Variants in ZNF678 observed in about 807,000 individuals in gnomAD.
ZNF678 encodes zinc finger protein 678.
ZNF678 carries 5 observed loss-of-function variants against 3.0 expected under a neutral mutation model. The observed-to-expected ratio is 1.69, with a 90% CI of 0.88 to 3.56. The LOEUF (loss-of-function observed/expected upper bound fraction) is 3.56. ZNF678 is among the 30% of genes most tolerant of loss of function. ZNF678 has a pLI of 0.00. For synonymous variants in ZNF678, 218 were observed against 199.6 expected, an observed-to-expected ratio of 1.09 and a Z score of -0.78; for missense variants, 593 against 605.0, an observed-to-expected ratio of 0.98 and a Z score of 0.21.
chr1:227,614,178 C>T (rs1658088998), intron 1 of ZNF678, among the ~76,000 whole-genome samples: 1 of 152,198 alleles, frequency 6.6e-6, no homozygotes. Context: ...GTCCTATTGT[C>T]AGCCCCACAC....
At chr1:227,675,972 C>G (rs1659671177) in intron 5 of ZNF678, among the ~76,000 whole-genome samples, 1 of 152,094 alleles carries the variant, frequency 6.6e-6, no homozygotes, top group Non-Finnish European at 1.5e-5. Flanking sequence ...GGTTTTAGGT[C>G]AAGATAAAAT....
chr1:227,669,154 T>C (rs1659557315), intron 5 of ZNF678, among the ~76,000 whole-genome samples: 1 of 149,016 alleles, frequency 6.7e-6, no homozygotes, highest in Admixed American at 6.7e-5. Context: ...GAAAAAAATA[T>C]TCACAAACTG....
In ZNF678 at chr1:227,656,526, G is replaced by A. The variant is rs953684472; in HGVS notation, c.*698G>A. 13 of 151,626 alleles carry A rather than the reference G, an allele frequency of 8.6e-5. No individual in the cohort carries two copies. Among genetic ancestry groups the A allele is most frequent in the Admixed American group, 6.6e-4 (10 of 15,208 alleles). 9.4% of individuals were successfully genotyped at this position (151,626 alleles called of 1,614,324 possible). A position where few individuals can be genotyped will look rare whatever the true frequency, so the allele number is the denominator to read the frequency against. ...TATGTGGTCAGTTGTTGCTGCATAA[G>A]AGCTATGAGAAGTTCTTCTATATTA... On this transcript the variant is annotated 3_prime_UTR_variant, in exon 4 of 4. Transcript: ENST00000343776.
intron 2 of ZNF678, 56 bp from the exon 3 acceptor site, chr1:227,650,900 T>G: frequency 7.1e-7 from 1 of 1,409,714 alleles, no homozygotes. Flanking sequence ...TTTTACTTCT[T>G]TCTTTTCAAT....
chr1:227,621,023 A>G (rs1342514601), intron 1 of ZNF678, among the ~76,000 whole-genome samples: 1 of 152,174 alleles, frequency 6.6e-6, no homozygotes, highest in Non-Finnish European at 1.5e-5. Flanking sequence ...AGGCTGAGGC[A>G]GAAGGATTGC....
rs1659326225 is a variant in ZNF678 at position 227,658,907 on chromosome 1, A to C, written c.*3079A>C. The C allele has an allele frequency of 6.6e-6, 1 of 152,096 alleles. No individual in the cohort carries two copies. The highest frequency in any genetic ancestry group is 1.5e-5 in the Non-Finnish European group (1 of 67,976). The allele number at this position is 152,096 out of a possible 1,614,324, so 9.4% of individuals were successfully genotyped here. On this transcript the variant is annotated 3_prime_UTR_variant, in exon 4 of 4. Coordinates refer to ENST00000343776, the MANE Select transcript of ZNF678 (RefSeq NM_001367909.1). ...TAAAGCATTAATAATGGTAGGCTAT[A>C]TATCATAATCACTATATAAAGAAAC...
chr1:227,598,820 G>T, intron 1 of ZNF678: 1 of 571,928 alleles, frequency 1.7e-6, no homozygotes, highest in Non-Finnish European at 3.3e-6. Context: ...AAGAACTGCT[G>T]GAAGAATTAG....
chr1:227,637,050 G>A (rs1297418044), intron 1 of ZNF678, among the ~76,000 whole-genome samples: 1 of 152,160 alleles, frequency 6.6e-6, no homozygotes, highest in East Asian at 1.9e-4. Context: ...GTGTGTGTTT[G>A]TAGGTGACAC....
intron 1 of ZNF678, among the ~76,000 whole-genome samples, chr1:227,573,621 C>A (rs1161592606): frequency 1.3e-5 from 2 of 152,056 alleles, no homozygotes; most frequent in East Asian, 1.9e-4. Context: ...TCCCAGTAAA[C>A]CATATTCTTA....
rs141193608 is a variant in ZNF678 at position 227,606,055 on chromosome 1, A to T, written c.-163-40489A>T. On this transcript the variant is annotated intron_variant, in intron 1 of 3. Transcript: ENST00000343776. The stretch of plus-strand genomic sequence containing the variant: ...CCCTCCACACCGGTGGGTATTTCTC[A>T]TCTCACCGGTGGGACAAGAGACTGA... Among the ~76,000 whole-genome samples the T allele has an allele frequency of 4.9e-4, 74 of 152,300 alleles. 1 individual carries two copies. The East Asian group carries it at 0.014, about 29-fold the overall frequency.
At chr1:227,565,948 A>G (rs1294914609) in intron 1 of ZNF678, among the ~76,000 whole-genome samples, 1 of 152,106 alleles carries the variant, frequency 6.6e-6, no homozygotes, top group Non-Finnish European at 1.5e-5. Context: ...TTTTTAGTAG[A>G]GACGGGGTTT....
chr1:227,597,110 G>A (rs1657612176), intron 1 of ZNF678, among the ~76,000 whole-genome samples: 1 of 152,206 alleles, frequency 6.6e-6, no homozygotes, highest in African/African-American at 2.4e-5. Context: ...ACTGGTGTCA[G>A]TGATAAGCTT....
At chr1:227,598,678 A>C (rs984028035) in intron 1 of ZNF678, 20 of 526,130 alleles carry the variant, frequency 3.8e-5, no homozygotes, top group African/African-American at 3.7e-4. Flanking sequence ...GCATCTTTTG[A>C]CTTCTTTTTC....
rs537690460 is a variant in ZNF678, at chr1:227,637,062, A to G, written c.-163-9482A>G. Reference sequence around the variant, plus strand: ...ATAGTGTGTGTTTGTAGGTGACACTATAGCATAGCCAGCATTCCAGTATCC... The same window carrying G: ...ATAGTGTGTGTTTGTAGGTGACACTGTAGCATAGCCAGCATTCCAGTATCC... On this transcript the variant is annotated intron_variant, in intron 1 of 3. Coordinates refer to ENST00000343776, the MANE Select transcript of ZNF678 (RefSeq NM_001367909.1). Among the ~76,000 whole-genome samples the G allele has an allele frequency of 5.3e-5, 8 of 152,298 alleles. No homozygotes were observed. The East Asian group carries it at 1.4e-3, about 26-fold the overall frequency.
chr1:227,652,142 A>T lies in ZNF678; in HGVS notation c.85+1066A>T, dbSNP rs55845104. On this transcript the variant is annotated intron_variant, in intron 3 of 3. Transcript: ENST00000343776. ...CTTATAAATTATATATGTTCCCAAT[A>T]AATGAACACTTTTATTATTACTTGA... Among the ~76,000 whole-genome samples, 769 of 152,336 alleles carry T rather than the reference A, an allele frequency of 5.0e-3. 3 individuals are homozygous for T. The highest frequency in any genetic ancestry group is 6.8e-3 in the Admixed American group (104 of 15,302).
intron 1 of ZNF678, among the ~76,000 whole-genome samples, chr1:227,574,025 AG>A (rs1406815511): frequency 6.6e-6 from 1 of 152,218 alleles, no homozygotes; most frequent in Non-Finnish European, 1.5e-5. Flanking sequence ...ATGGCTGCCT[AG>A]GATTTCATGG....
Position 227,612,234 on chromosome 1 carries a change from C to T in ZNF678, c.-163-34310C>T, listed in dbSNP as rs530298389. On this transcript the variant is annotated intron_variant, in intron 1 of 3. Transcript: ENST00000343776. Reference sequence around the variant, plus strand: ...CACTCAGTATGCAGAACTGATGGCCCATTTCCACTAGGTCATGAGGTTGGT... The same window carrying T: ...CACTCAGTATGCAGAACTGATGGCCTATTTCCACTAGGTCATGAGGTTGGT... 3.6e-4 allele frequency among the ~76,000 whole-genome samples: 55 copies of T among 152,268 alleles called. No individual in the cohort carries two copies. The South Asian group carries it at 0.011, about 32-fold the overall frequency.
In ZNF678 at chr1:227,609,136, A is replaced by G. The variant is rs373622840; in HGVS notation, c.-163-37408A>G. Among the ~76,000 whole-genome samples, 8 of 152,198 alleles carry G rather than the reference A, an allele frequency of 5.3e-5. No homozygotes were observed. In the South Asian group the frequency reaches 6.2e-4, roughly 12 times the overall value. On this transcript the variant is annotated intron_variant, in intron 1 of 3. Coordinates refer to ENST00000343776, the MANE Select transcript of ZNF678 (RefSeq NM_001367909.1). The stretch of plus-strand genomic sequence containing the variant: ...GATATGTAAAGATCAAGGAGCAACA[A>G]ACTTTATAAGCCATACTTGGAAAAG...
intron 1 of ZNF678, among the ~76,000 whole-genome samples, chr1:227,600,080 A>G (rs958764817): frequency 6.6e-6 from 1 of 152,084 alleles, no homozygotes; most frequent in Admixed American, 6.6e-5. Flanking sequence ...CTGTTCCTGC[A>G]TTAGTAGCTA....
Sources: allele counts gnomAD v4.1 joint callset (sites outside exome capture counted in the v4.1 genomes callset), GRCh38; gene constraint gnomAD v4.1.1; transcripts MANE v1.5; gene names NCBI Gene and HGNC (gene_info 2026-07-23, HGNC 2026-07-21).